The following C1QTNF3 variants were observed in gnomAD, a reference collection of about 807,000 sequenced individuals.
C1QTNF3 encodes complement C1q tumor necrosis factor-related protein 3.
Under a neutral mutation model 32.6 loss-of-function variants are expected in C1QTNF3, and 26 were observed. That is an observed-to-expected ratio of 0.80 (90% CI 0.58 to 1.11). C1QTNF3 has a LOEUF of 1.11. Ranked by LOEUF, C1QTNF3 falls within the 50% of genes least tolerant of loss-of-function variation. The probability of loss-of-function intolerance (pLI) is 0.00; values close to 1 mark genes in which losing one functional copy is unlikely to be tolerated. For synonymous variants in C1QTNF3, 155 were observed against 146.0 expected, an observed-to-expected ratio of 1.06 and a Z score of -0.44; for missense variants, 362 against 398.2, an observed-to-expected ratio of 0.91 and a Z score of 0.77.
the C1QTNF3 span, among the ~76,000 whole-genome samples, chr5:34,130,337 T>C: frequency 6.6e-6 from 1 of 152,030 alleles, no homozygotes; most frequent in South Asian, 2.1e-4. Flanking sequence ...GCACTTTCAA[T>C]ATAGCATTAT....
the C1QTNF3 span, among the ~76,000 whole-genome samples, chr5:34,160,037 GAA>G: frequency 6.6e-6 from 1 of 152,162 alleles, no homozygotes; most frequent in Non-Finnish European, 1.5e-5. Flanking sequence ...CATAAATTGA[GAA>G]AAAATATACA....
intron 5 of C1QTNF3, among the ~76,000 whole-genome samples, chr5:34,022,856 T>C (rs559576252): frequency 5.9e-5 from 9 of 152,214 alleles, no homozygotes; most frequent in Non-Finnish European, 1.3e-4. Flanking sequence ...TGTTTGTTTT[T>C]TGTTTTGTTT....
intron 3 of C1QTNF3, 93 bp downstream of exon 3, chr5:34,033,211 A>G: frequency 7.3e-7 from 1 of 1,360,770 alleles, no homozygotes. Flanking sequence ...GGATTGGGGA[A>G]GACTTGAGGA....
the C1QTNF3 span, among the ~76,000 whole-genome samples, chr5:34,229,624 G>C: frequency 6.6e-6 from 1 of 152,162 alleles, no homozygotes; most frequent in Non-Finnish European, 1.5e-5. Flanking sequence ...GCAATCGTAA[G>C]ATTCTTTACA....
the C1QTNF3 span, among the ~76,000 whole-genome samples, chr5:34,103,790 C>T: frequency 2.0e-5 from 3 of 148,416 alleles, no homozygotes; most frequent in Non-Finnish European, 4.5e-5. Context: ...CCACTGCATT[C>T]CAGCCTGGGT....
chr5:34,199,520 G>C, the C1QTNF3 span, among the ~76,000 whole-genome samples: 1 of 144,994 alleles, frequency 6.9e-6, no homozygotes, highest in Non-Finnish European at 1.5e-5. Context: ...TTTCACTAAT[G>C]ATCATCAGGA....
intron 1 of C1QTNF3, among the ~76,000 whole-genome samples, chr5:34,036,148 A>G (rs1468487587): frequency 3.3e-5 from 5 of 152,220 alleles, no homozygotes; most frequent in South Asian, 2.1e-4. Flanking sequence ...AGCTAAATTG[A>G]GTAGATGGTC....
At chr5:34,170,709 G>T in the C1QTNF3 span, among the ~76,000 whole-genome samples, 1 of 152,152 alleles carries the variant, frequency 6.6e-6, no homozygotes, top group South Asian at 2.1e-4. Context: ...TCATTAGTTG[G>T]TATAATTTCC....
At chr5:34,184,547 C>CT in the C1QTNF3 span, among the ~76,000 whole-genome samples, 1 of 152,390 alleles carries the variant, frequency 6.6e-6, no homozygotes, top group African/African-American at 2.4e-5. Context: ...AACCCCGTCT[C>CT]TACTAAAAAT....
chr5:34,088,937 T>C, the C1QTNF3 span, among the ~76,000 whole-genome samples: 1 of 151,948 alleles, frequency 6.6e-6, no homozygotes, highest in Non-Finnish European at 1.5e-5. Flanking sequence ...TTTATGCCTG[T>C]ATTTTTTTTT....
chr5:34,058,773 C>T, the C1QTNF3 span, among the ~76,000 whole-genome samples: 1 of 152,222 alleles, frequency 6.6e-6, no homozygotes, highest in South Asian at 2.1e-4. Context: ...AATGCCCTGA[C>T]ATGCTGTTTG....
chr5:34,236,699 T>A, the C1QTNF3 span, among the ~76,000 whole-genome samples: 1 of 148,498 alleles, frequency 6.7e-6, no homozygotes, highest in Non-Finnish European at 1.5e-5. Flanking sequence ...CTTAGCCTCC[T>A]GAGTAGCTGG....
At chr5:34,211,029 T>C in the C1QTNF3 span, among the ~76,000 whole-genome samples, 1 of 151,770 alleles carries the variant, frequency 6.6e-6, no homozygotes, top group Admixed American at 6.6e-5. Context: ...CTATTTCTAA[T>C]GTTACCTCCA....
At chr5:34,175,187 G>T in the C1QTNF3 span, among the ~76,000 whole-genome samples, 1 of 152,090 alleles carries the variant, frequency 6.6e-6, no homozygotes, top group East Asian at 1.9e-4. Context: ...AGGACTACAG[G>T]CACACACCAC....
the C1QTNF3 span, among the ~76,000 whole-genome samples, chr5:34,086,708 C>T: frequency 7.1e-3 from 1,088 of 152,220 alleles, 6 homozygotes; most frequent in Middle Eastern, 0.02. Flanking sequence ...AAATGTGATA[C>T]AGCATTTGTA....
At chr5:34,103,850 G>A in the C1QTNF3 span, among the ~76,000 whole-genome samples, 2 of 151,484 alleles carry the variant, frequency 1.3e-5, no homozygotes, top group East Asian at 1.9e-4. Context: ...GTCAAATCAC[G>A]TTTTATATAT....
chr5:34,149,579 AC>A, the C1QTNF3 span, among the ~76,000 whole-genome samples: 10 of 2,372 alleles, frequency 4.2e-3, no homozygotes, highest in Admixed American at 8.6e-3. Flanking sequence ...AGAATTTTCA[AC>A]CCAGAATTTC....
the C1QTNF3 span, among the ~76,000 whole-genome samples, chr5:34,161,081 T>C: frequency 1.3e-5 from 2 of 152,166 alleles, no homozygotes; most frequent in African/African-American, 2.4e-5. Flanking sequence ...CTGACATCAC[T>C]TGGCAGCTGG....
chr5:34,080,437 T>A, the C1QTNF3 span, among the ~76,000 whole-genome samples: 1 of 151,792 alleles, frequency 6.6e-6, no homozygotes, highest in Non-Finnish European at 1.5e-5. Flanking sequence ...TAAACATTTT[T>A]AAATATATAT....
Sources: gnomAD v4.1 joint callset for allele counts (sites outside exome capture counted in the v4.1 genomes callset) on GRCh38, gnomAD v4.1.1 for gene constraint, MANE v1.5 for transcripts, NCBI Gene and HGNC (gene_info 2026-07-23, HGNC 2026-07-21) for gene names.